The following BANP variants were observed in gnomAD, a reference collection of about 807,000 sequenced individuals.
BANP encodes the protein protein BANP.
BANP carries 11 observed loss-of-function variants against 68.1 expected under a neutral mutation model. The ratio of observed to expected loss-of-function variants is 0.16; its 90% CI spans 0.10 to 0.27. The LOEUF (loss-of-function observed/expected upper bound fraction) is 0.27, where lower values mean the gene tolerates loss of function less well. Among genes scored for constraint, BANP ranks in the 10% least tolerant of loss-of-function variants. The pLI is 1.00. For missense variants in BANP, 504 were observed against 722.7 expected (o/e 0.70, Z 3.47); for synonymous variants, 329 against 303.2 (o/e 1.09, Z -0.88).
Position 88,003,602 on chromosome 16 carries a change from G to A in BANP, c.363-693G>A, listed in dbSNP as rs945054987. The A allele has an allele frequency of 2.0e-5, 9 of 453,242 alleles. No individual in the cohort carries two copies. Among genetic ancestry groups the A allele is most frequent in the Non-Finnish European group, 4.0e-5 (9 of 225,132 alleles). The allele number at this position is 453,242 out of a possible 1,614,324, so 28.1% of individuals were successfully genotyped here. The stretch of plus-strand genomic sequence containing the variant: ...TTGAGATGAAGCTGTGTTAGCTGCC[G>A]CCTGTCTGAACACACTCGTGCTTCC... On this transcript the variant is annotated intron_variant, in intron 4 of 13. Coordinates refer to ENST00000682872, the MANE Select transcript of BANP (RefSeq NM_001386991.1). This position sits in a 1 kb window ranked among gnomAD's most constrained non-coding sequence, Gnocchi z 6.1.
At chr16:87,966,861 T>G (rs1002510170) in intron 1 of BANP, 1 of 152,476 alleles carries the variant, frequency 6.6e-6, no homozygotes, top group African/African-American at 2.4e-5. Flanking sequence ...TTTATTTTCC[T>G]TTGCTTTGAG....
intron 8 of BANP, among the ~76,000 whole-genome samples, chr16:88,032,247 G>C (rs1200973424): frequency 6.6e-6 from 1 of 151,168 alleles, no homozygotes; most frequent in African/African-American, 2.4e-5. Flanking sequence ...TGTTGCCCAG[G>C]CTGGAGTGTA....
At chr16:87,978,453 A>G in intron 2 of BANP, 1 of 344,156 alleles carries the variant, frequency 2.9e-6, no homozygotes, top group East Asian at 7.5e-5. Context: ...TTGTGTGATG[A>G]CCGGTTTCCA....
At chr16:88,021,506 G>A (rs975819090) in intron 7 of BANP, among the ~76,000 whole-genome samples, 5 of 152,160 alleles carry the variant, frequency 3.3e-5, no homozygotes, top group Non-Finnish European at 4.4e-5. Context: ...CAACTGCTGC[G>A]TATGGACCAG....
At chr16:87,999,961 T>C (rs75237305) in intron 4 of BANP, among the ~76,000 whole-genome samples, 45 of 72,954 alleles carry the variant, frequency 6.2e-4, no homozygotes, top group South Asian at 1.9e-3. Context: ...CTTCCAGACG[T>C]GTCTCCATGC....
At chr16:87,985,601 A>G (rs143339811) in intron 4 of BANP, among the ~76,000 whole-genome samples, 11,397 of 152,280 alleles carry the variant, frequency 0.075, 585 homozygotes, top group East Asian at 0.17. Flanking sequence ...TTTATAACTT[A>G]TAGTTATTAG....
chr16:87,981,021 T>G lies in BANP; in HGVS notation c.71-15T>G. ...TTTCATGTTAAACATTTTTTTTCTC[T>G]GTCACTGATTTCAGTTGTTTTGGAG... On this transcript the variant is annotated splice_polypyrimidine_tract_variant and intron_variant, in intron 2 of 13. Coordinates refer to ENST00000682872, the MANE Select transcript of BANP (RefSeq NM_001386991.1). The G allele has an allele frequency of 6.3e-7, 1 of 1,588,624 alleles. No individual in the cohort carries two copies. The highest frequency in any genetic ancestry group is 8.6e-7 in the Non-Finnish European group (1 of 1,157,422).
chr16:88,013,438 C>T lies in BANP; in HGVS notation c.656-4990C>T, dbSNP rs1397330990. Among the ~76,000 whole-genome samples the T allele has an allele frequency of 2.7e-5, 4 of 150,692 alleles. No individual in the cohort carries two copies. The East Asian group carries it at 5.9e-4, about 22-fold the overall frequency. ...ACCCATCAGAGCTCAGCCTGCCTGA[C>T]AGGACGGGCCCTCCCTCAGTGCAGT... On this transcript the variant is annotated intron_variant, in intron 6 of 13. Transcript: ENST00000682872.
Position 87,973,550 on chromosome 16 carries a change from C to T in BANP, c.-68-1498C>T, listed in dbSNP as rs573971743. On this transcript the variant is annotated intron_variant, in intron 1 of 13. Coordinates refer to ENST00000682872, the MANE Select transcript of BANP (RefSeq NM_001386991.1). The stretch of plus-strand genomic sequence containing the variant: ...CCGAGGCATGCGGATCACCTGAGGT[C>T]GGGAGTTCAAGACCAACCCGACCAA... 5.3e-5 allele frequency among the ~76,000 whole-genome samples: 8 copies of T among 152,152 alleles called. No individual in the cohort carries two copies. In the South Asian group the frequency reaches 1.4e-3, roughly 28 times the overall value.
At position 88,012,443 on chromosome 16, in the gene BANP, T is replaced by C. The variant is rs145838073; in HGVS notation, c.656-5985T>C. Among the ~76,000 whole-genome samples, 57 of 152,350 alleles carry C rather than the reference T, an allele frequency of 3.7e-4. No individual in the cohort carries two copies. The East Asian group carries it at 0.01, about 27-fold the overall frequency. Reference sequence around the variant, plus strand: ...ATGGTGAGGCTGACCTTGAACTGAATTGACATGGAGTTGGTTGTGTTGTGG... The same window carrying C: ...ATGGTGAGGCTGACCTTGAACTGAACTGACATGGAGTTGGTTGTGTTGTGG... On this transcript the variant is annotated intron_variant, in intron 6 of 13. Coordinates refer to ENST00000682872, the MANE Select transcript of BANP (RefSeq NM_001386991.1).
chr16:88,046,225 T>G (rs767941096), intron 11 of BANP, among the ~76,000 whole-genome samples: 4 of 152,330 alleles, frequency 2.6e-5, no homozygotes, highest in Non-Finnish European at 5.9e-5. Flanking sequence ...CTTTTGCATG[T>G]GTGAATGTGT....
chr16:87,997,634 G>T (rs1344808715), intron 4 of BANP, among the ~76,000 whole-genome samples: 1 of 152,144 alleles, frequency 6.6e-6, no homozygotes, highest in Non-Finnish European at 1.5e-5. Flanking sequence ...TGTCTTCATG[G>T]TAAAGTGGGT....
At chr16:88,009,726 A>G (rs113374957) in intron 6 of BANP, among the ~76,000 whole-genome samples, 1,491 of 147,726 alleles carry the variant, frequency 0.01, 20 homozygotes, top group African/African-American at 0.035. Flanking sequence ...ACGCTCAGCT[A>G]TTGAAAGCAG....
intron 6 of BANP, 29 bp downstream of exon 6, chr16:88,006,294 G>C: frequency 6.4e-7 from 1 of 1,562,120 alleles, no homozygotes; most frequent in Non-Finnish European, 8.7e-7. Flanking sequence ...TCCTCGGCCA[G>C]AGCGCCAGTA....
At chr16:88,068,716 C>A (rs541829602) in intron 12 of BANP, among the ~76,000 whole-genome samples, 18 of 152,276 alleles carry the variant, frequency 1.2e-4, no homozygotes, top group African/African-American at 4.3e-4. Context: ...CGTGGTGGAA[C>A]TGAGTGCAGA....
intron 2 of BANP, among the ~76,000 whole-genome samples, chr16:87,976,976 T>G (rs2062271565): frequency 5.9e-5 from 9 of 152,244 alleles, no homozygotes; most frequent in Admixed American, 5.9e-4. Flanking sequence ...ACCATTAAAG[T>G]TCTGACAGCC....
intron 6 of BANP, among the ~76,000 whole-genome samples, chr16:88,012,547 C>T (rs1039928549): frequency 1.6e-4 from 25 of 152,172 alleles, no homozygotes; most frequent in African/African-American, 5.6e-4. Context: ...GATTTGTTCA[C>T]TATCCTGCTG....
chr16:88,061,489 T>C (rs13329905), intron 11 of BANP, among the ~76,000 whole-genome samples: 14,242 of 152,246 alleles, frequency 0.094, 880 homozygotes, highest in Non-Finnish European at 0.14. Context: ...ATTTGGTTTG[T>C]GAAAAGCATT....
chr16:87,988,843 A>G (rs1448771322), intron 4 of BANP, among the ~76,000 whole-genome samples: 1 of 152,140 alleles, frequency 6.6e-6, no homozygotes, highest in Non-Finnish European at 1.5e-5. Context: ...AGCCAGCCCA[A>G]CCCTCAAGGG....
Sources: gnomAD v4.1 joint callset for allele counts (sites outside exome capture counted in the v4.1 genomes callset) on GRCh38, gnomAD v4.1.1 for gene constraint, Gnocchi (gnomAD v3.1) non-coding constraint, MANE v1.5 for transcripts, NCBI Gene and HGNC (gene_info 2026-07-23, HGNC 2026-07-21) for gene names.